Variants in TACC2 observed in about 807,000 individuals in gnomAD.
TACC2 encodes transforming acidic coiled-coil containing protein 2.
A neutral mutation model predicts 227.3 loss-of-function variants in TACC2; 137 were observed. That is an observed-to-expected ratio of 0.60 (90% CI 0.52 to 0.69). The LOEUF (loss-of-function observed/expected upper bound fraction) is 0.69. TACC2 is among the 30% of genes least tolerant of loss of function. TACC2 has a pLI of 0.00. For synonymous variants in TACC2, 1,523 were observed against 1,487.5 expected (o/e 1.02, Z -0.55); for missense variants, 3,470 against 3,694.4 (o/e 0.94, Z 1.57).
rs777183522 is a variant in TACC2, at chr10:122,211,312, A to C, written c.6887A>C (p.Lys2296Thr). 1.2e-6 allele frequency: 2 copies of C among 1,614,028 alleles called. No homozygotes were observed. The highest frequency in any genetic ancestry group is 1.7e-6 in the Non-Finnish European group (2 of 1,180,030). Residue 2296 changes from lysine to threonine, a missense_variant, in exon 9 of 23, where the codon AAA (lysine) becomes ACA (threonine). Physicochemically the swap from Lys to Thr is moderately conservative, Grantham distance 78. Coordinates refer to ENST00000369005, the MANE Select transcript of TACC2 (RefSeq NM_206862.4). ...AAGATAGGCAAAAAGCCAGTTGCCA[A>C]AATGCCCCTGAGGAGGCCAAAGATG... is the stretch of plus-strand genomic sequence containing the variant. ...TKKIGKKPVA[K>T]MPLRRPKMKK...
chr10:122,005,549 T>C (rs1434228546), intron 1 of TACC2, among the ~76,000 whole-genome samples: 3 of 150,324 alleles, frequency 2.0e-5, no homozygotes. Flanking sequence ...CACGCCCGGC[T>C]GATTTTTTGT....
chr10:122,211,819 G>A, intron 9 of TACC2, 111 bp downstream of exon 9: 1 of 909,516 alleles, frequency 1.1e-6, no homozygotes, highest in Non-Finnish European at 1.6e-6. Flanking sequence ...GCCCCTGGGT[G>A]CTGTGATGAT....
intron 5 of TACC2, 147 bp downstream of exon 5, chr10:122,088,738 G>T: frequency 2.6e-6 from 4 of 1,540,296 alleles, no homozygotes; most frequent in Non-Finnish European, 3.5e-6. Flanking sequence ...TTTATGTACA[G>T]GTACAGCAGT....
chr10:122,125,631 C>T (rs1251755035), intron 5 of TACC2, among the ~76,000 whole-genome samples: 4 of 152,178 alleles, frequency 2.6e-5, no homozygotes, highest in African/African-American at 9.7e-5. Flanking sequence ...TCTGCCACCC[C>T]AGGGCACAGA....
rs927223566 is a variant in TACC2 at position 122,224,807 on chromosome 10, G to A, written c.7608+20G>A. On this transcript the variant is annotated intron_variant, in intron 12 of 22. Transcript: ENST00000369005. ...TTACCTGTAAGTTCGTCTGCCTCGG[G>A]CCACTTAGGGGACTCGCTTTCCTGC... 15 of 1,608,738 alleles carry A rather than the reference G, an allele frequency of 9.3e-6. No individual in the cohort carries two copies. Among genetic ancestry groups the A allele is most frequent in the Non-Finnish European group, 1.2e-5 (14 of 1,175,214 alleles).
rs115350451 is a variant in TACC2 at position 122,151,696 on chromosome 10, G to A, written c.5834+7990G>A. ...GAGGGTGGGTGGAGGAGAGGCCAGAGGTCAGAGGGCCATGTGGAAGTTGTT... is the reference window on the plus strand; with the variant it reads ...GAGGGTGGGTGGAGGAGAGGCCAGAAGTCAGAGGGCCATGTGGAAGTTGTT... On this transcript the variant is annotated intron_variant, in intron 7 of 22. Coordinates refer to ENST00000369005, the MANE Select transcript of TACC2 (RefSeq NM_206862.4). 4.4e-3 allele frequency among the ~76,000 whole-genome samples: 671 copies of A among 152,282 alleles called. 4 individuals are homozygous for A. The highest frequency in any genetic ancestry group is 0.014 in the African/African-American group (598 of 41,546).
At chr10:122,064,397 A>G (rs2077170672) in intron 3 of TACC2, among the ~76,000 whole-genome samples, 1 of 152,208 alleles carries the variant, frequency 6.6e-6, no homozygotes, top group Admixed American at 6.5e-5. Flanking sequence ...ATACATTATT[A>G]TTAACTAAAG....
At chr10:122,097,641 C>T (rs567012093) in intron 5 of TACC2, among the ~76,000 whole-genome samples, 12 of 151,964 alleles carry the variant, frequency 7.9e-5, no homozygotes, top group South Asian at 4.2e-4. Flanking sequence ...GGTAGGCGGC[C>T]GGAGTTTAAA....
In TACC2 at chr10:122,237,384, C is replaced by T. The variant is rs1041472474; in HGVS notation, c.8128-11C>T. The T allele has an allele frequency of 4.4e-6, 7 of 1,590,500 alleles. No individual in the cohort carries two copies. The highest frequency in any genetic ancestry group is 1.4e-5 in the African/African-American group (1 of 73,428). ...TAACTGTTTTTTTTTTAATTAAAAACGATTCCACAGAGAGAGGCTGCTCAC... is the reference window on the plus strand; with the variant it reads ...TAACTGTTTTTTTTTTAATTAAAAATGATTCCACAGAGAGAGGCTGCTCAC... On this transcript the variant is annotated splice_polypyrimidine_tract_variant and intron_variant, in intron 16 of 22. Transcript: ENST00000369005.
At chr10:122,155,584 T>C (rs2092409125) in intron 7 of TACC2, among the ~76,000 whole-genome samples, 1 of 152,204 alleles carries the variant, frequency 6.6e-6, no homozygotes, top group South Asian at 2.1e-4. Context: ...TGGCTCTTTC[T>C]TCCCAGGTTT....
At chr10:122,250,420 T>C (rs1390268392) in intron 22 of TACC2, among the ~76,000 whole-genome samples, 2 of 152,210 alleles carry the variant, frequency 1.3e-5, no homozygotes, top group Non-Finnish European at 2.9e-5. Context: ...GGCAGCACAA[T>C]TTTTGCATTT....
At chr10:122,216,599 C>T (rs377288622) in intron 10 of TACC2, 28 bp from the exon 11 acceptor site, 2 of 1,606,234 alleles carry the variant, frequency 1.2e-6, no homozygotes, top group African/African-American at 2.7e-5. Flanking sequence ...TCTGATGAGA[C>T]AAGAAACAGT....
At chr10:122,147,477 C>T (rs1034716926) in intron 7 of TACC2, among the ~76,000 whole-genome samples, 10 of 152,104 alleles carry the variant, frequency 6.6e-5, no homozygotes, top group Non-Finnish European at 1.3e-4. Flanking sequence ...TCAGTACTGT[C>T]GTCTGTGGAA....
At chr10:122,005,485 C>T (rs981203282) in intron 1 of TACC2, among the ~76,000 whole-genome samples, 10 of 149,840 alleles carry the variant, frequency 6.7e-5, no homozygotes, top group African/African-American at 9.8e-5. Context: ...CCTGGGTTCA[C>T]GCCATTCTCC....
chr10:122,024,541 C>T (rs564318229), intron 2 of TACC2, among the ~76,000 whole-genome samples: 1 of 152,314 alleles, frequency 6.6e-6, no homozygotes, highest in African/African-American at 2.4e-5. Context: ...TCTGTAGCCA[C>T]ACCCACCTCT....
intron 3 of TACC2, among the ~76,000 whole-genome samples, chr10:122,075,124 G>A (rs113462952): frequency 6.6e-6 from 1 of 151,440 alleles, no homozygotes; most frequent in Non-Finnish European, 1.5e-5. Context: ...AGGGCAACCC[G>A]CTCGGGTCCC....
chr10:122,241,673 C>G, intron 18 of TACC2: 1 of 483,484 alleles, frequency 2.1e-6, no homozygotes, highest in Non-Finnish European at 3.7e-6. Context: ...AGTAATCCAC[C>G]AGCCTCAGCC....
At chr10:122,212,664 G>A (rs192609736) in intron 9 of TACC2, among the ~76,000 whole-genome samples, 12 of 152,300 alleles carry the variant, frequency 7.9e-5, no homozygotes, top group African/African-American at 2.2e-4. Flanking sequence ...GAGACAGAAC[G>A]ACATGTTTAC....
chr10:122,088,820 C>A, intron 5 of TACC2: 1 of 1,407,754 alleles, frequency 7.1e-7, no homozygotes, highest in Non-Finnish European at 9.5e-7. Flanking sequence ...GAGTTTATTA[C>A]CTTAAATTTA....
Sources: allele counts gnomAD v4.1 joint callset (sites outside exome capture counted in the v4.1 genomes callset), GRCh38; gene constraint gnomAD v4.1.1; transcripts MANE v1.5; gene names NCBI Gene and HGNC (gene_info 2026-07-23, HGNC 2026-07-21).